RYR1: variants seen among roughly 807,000 people sequenced by gnomAD.
RYR1 encodes the protein ryanodine receptor 1, also known as central core disease of muscle.
In RYR1, 342 loss-of-function variants were observed where a neutral mutation model predicts 583.5. The ratio of observed to expected loss-of-function variants is 0.59; its 90% CI spans 0.54 to 0.64. RYR1 has a LOEUF of 0.64. Among genes scored for constraint, RYR1 ranks in the 30% least tolerant of loss-of-function variants. The pLI is 0.00. For synonymous variants in RYR1, 2,791 were observed against 2,822.5 expected, an observed-to-expected ratio of 0.99 and a Z score of 0.35; for missense variants, 6,032 against 6,917.2, an observed-to-expected ratio of 0.87 and a Z score of 4.54.
At chr19:38,486,245 A>G (rs1221600649) in intron 34 of RYR1, 43 bp downstream of exon 34, 4 of 1,612,008 alleles carry the variant, frequency 2.5e-6, no homozygotes, top group Non-Finnish European at 3.4e-6. Context: ...TTCTTCTCCC[A>G]CATTCCCAAA....
intron 25 of RYR1, among the ~76,000 whole-genome samples, 187 bp from the exon 26 acceptor site, chr19:38,468,779 C>G (rs1313067515): frequency 6.6e-6 from 1 of 152,138 alleles, no homozygotes; most frequent in Non-Finnish European, 1.5e-5. Flanking sequence ...GAGAAAAATT[C>G]CTGTGATCAT....
At chr19:38,461,079 G>A (rs142120606) in intron 20 of RYR1, among the ~76,000 whole-genome samples, 1 of 152,170 alleles carries the variant, frequency 6.6e-6, no homozygotes, top group East Asian at 1.9e-4. Context: ...GCTTGAACCT[G>A]GGAGGCAGAG....
chr19:38,490,588 A>G, intron 36 of RYR1, 33 bp from the exon 37 acceptor site: 1 of 1,383,402 alleles, frequency 7.2e-7, no homozygotes, highest in Non-Finnish European at 1.0e-6. Context: ...TTGGGATCTC[A>G]GACCCTCATT....
chr19:38,442,246 T>G, intron 2 of RYR1, 103 bp from the exon 3 acceptor site: 1 of 829,382 alleles, frequency 1.2e-6, no homozygotes, highest in East Asian at 2.5e-5. Flanking sequence ...GTCTGGCGTC[T>G]CAAGAGTGTG....
rs758528866 is a variant in RYR1, at chr19:38,489,334, A to C, written c.5705A>C (p.Glu1902Ala). The change falls in exon 35 of 106, where the codon GAA (glutamate) becomes GCA (alanine). Residue 1902 changes from glutamate (E) to alanine (A), a missense_variant. Physicochemically the swap from Glu to Ala is moderately radical, Grantham distance 107. Around this residue, in one of 11 missense-constraint regions of RYR1, gnomAD observed 2,627 missense variants for 2,961.3 expected, o/e 0.89. Coordinates refer to ENST00000359596, the MANE Select transcript of RYR1 (RefSeq NM_000540.3). ...GAGGATGAGGAGGAAACAGCACAGGAAAAGGAAGATGAGGAAAAAGAGGAA... is the reference window on the plus strand; with the variant it reads ...GAGGATGAGGAGGAAACAGCACAGGCAAAGGAAGATGAGGAAAAAGAGGAA... ...KEEDEEETAQ[E>A]KEDEEKEEEE... is the part of the protein sequence containing the mutation. 1 of 1,608,652 alleles carries C rather than the reference A, an allele frequency of 6.2e-7. No homozygotes were observed. Among genetic ancestry groups the C allele is most frequent in the South Asian group, 1.1e-5 (1 of 90,964 alleles).
In RYR1 at chr19:38,565,858, GAGGAGAGAAC is replaced by G; in HGVS notation, c.13437+88_13437+97del. The stretch of plus-strand genomic sequence containing the variant: ...GCCCGGCTGGGTGGAGACACACACA[GAGGAGAGAAC>G]TGGCTAGGGGGATGGGCACACGCAC... On this transcript the variant is annotated intron_variant, in intron 91 of 105. Coordinates refer to ENST00000359596, the MANE Select transcript of RYR1 (RefSeq NM_000540.3). The surrounding 1 kb of genome is among the most constrained non-coding windows in gnomAD (Gnocchi z 4.7). The G allele has an allele frequency of 7.6e-7, 1 of 1,324,038 alleles. No individual in the cohort carries two copies. The highest frequency in any genetic ancestry group is 1.6e-5 in the African/African-American group (1 of 63,810). The allele number at this position is 1,324,038 out of a possible 1,614,324, so 82.0% of individuals were successfully genotyped here. A position where few individuals can be genotyped will look rare whatever the true frequency, so the allele number is the denominator to read the frequency against.
In RYR1 at chr19:38,457,716, T is replaced by C. The variant is rs2071085; in HGVS notation, c.1925+86T>C. 0.64 allele frequency: 895,086 copies of C among 1,395,246 alleles called. 290,728 individuals carry two copies. The highest frequency in any genetic ancestry group is 0.69 in the Admixed American group (40,429 of 58,256). The allele number at this position is 1,395,246 out of a possible 1,614,324, so 86.4% of individuals were successfully genotyped here. On this transcript the variant is annotated intron_variant, in intron 17 of 105. Coordinates refer to ENST00000359596, the MANE Select transcript of RYR1 (RefSeq NM_000540.3). Reference sequence around the variant, plus strand: ...AGACTCCACACCCAGATGGATGTCCTTTCCTTAATCTCCCACCCCAGGGTT... The same window carrying C: ...AGACTCCACACCCAGATGGATGTCCCTTCCTTAATCTCCCACCCCAGGGTT...
chr19:38,502,279 T>A (rs544606522), intron 47 of RYR1, among the ~76,000 whole-genome samples: 1 of 151,562 alleles, frequency 6.6e-6, no homozygotes, highest in Admixed American at 6.6e-5. Flanking sequence ...CATCGACCAG[T>A]TGTGTGTGTT....
intron 23 of RYR1, 100 bp from the exon 24 acceptor site, chr19:38,465,991 C>T (rs779975894): frequency 2.4e-5 from 28 of 1,176,502 alleles, no homozygotes; most frequent in Middle Eastern, 2.1e-4. Context: ...TCAGAAACGC[C>T]GAAGCTGGGA....
chr19:38,494,195 C>T (rs1424167619), intron 38 of RYR1, among the ~76,000 whole-genome samples, 157 bp from the exon 39 acceptor site: 1 of 152,168 alleles, frequency 6.6e-6, no homozygotes, highest in Admixed American at 6.5e-5. Flanking sequence ...AAACAATCTG[C>T]TAGAATCTGC....
At chr19:38,583,940 C>CCT in intron 101 of RYR1, among the ~76,000 whole-genome samples, 1 of 152,178 alleles carries the variant, frequency 6.6e-6, no homozygotes, top group Non-Finnish European at 1.5e-5. Flanking sequence ...TATTTTCCAG[C>CCT]CTCACCCAAC....
At chr19:38,458,022 C>A in intron 17 of RYR1, 29 bp from the exon 18 acceptor site, 1 of 1,611,400 alleles carries the variant, frequency 6.2e-7, no homozygotes, top group South Asian at 1.1e-5. Context: ...TCTCCGTCAT[C>A]CCCCTCTCCT....
At chr19:38,464,749 TG>T in intron 23 of RYR1, 27 bp downstream of exon 23, 1 of 1,553,304 alleles carries the variant, frequency 6.4e-7, no homozygotes, top group Non-Finnish European at 8.7e-7. Context: ...AGGTCCCGTC[TG>T]GGGATGGACT....
rs193922803 is a variant in RYR1 at position 38,499,670 on chromosome 19, C to T, written c.7063C>T (p.Arg2355Trp). 1.8e-5 allele frequency: 28 copies of T among 1,599,222 alleles called. No homozygotes were observed. The highest frequency in any genetic ancestry group is 3.3e-5 in the South Asian group (3 of 90,968). The change falls in exon 44 of 106, where the codon CGG becomes TGG. Residue 2355 changes from arginine to tryptophan, a missense_variant. Coordinates refer to ENST00000359596, the MANE Select transcript of RYR1 (RefSeq NM_000540.3). This position sits in a 1 kb window ranked among gnomAD's most constrained non-coding sequence, Gnocchi z 7.3. ...SVEENANVVV[R>W]LLIRKPECFG... The stretch of plus-strand genomic sequence containing the variant: ...GGAGGAGAACGCCAATGTGGTGGTG[C>T]GGCTGCTCATCCGGAAGCCTGAGTG...
chr19:38,567,866 AGCTGGAG>A lies in RYR1; in HGVS notation c.13611_13617del (p.Gly4538AsnfsTer11). 1 of 1,614,028 alleles carries A rather than the reference AGCTGGAG, an allele frequency of 6.2e-7. No homozygotes were observed. Among genetic ancestry groups the A allele is most frequent in the Non-Finnish European group, 8.5e-7 (1 of 1,180,010 alleles). ...CCTCACCCCCTCCAAAGAAGGAGGA[AGCTGGAG>A]GCGAATTCTGGGGAGAACTGGAGGT... On this transcript the variant is annotated frameshift_variant, in exon 93 of 106. Coordinates refer to ENST00000359596, the MANE Select transcript of RYR1 (RefSeq NM_000540.3). LOFTEE classifies it high-confidence loss of function.
rs1970754170 is a variant in RYR1, at chr19:38,512,109, C to A, written c.9210C>A (p.Ile3070=). The A allele has an allele frequency of 6.2e-7, 1 of 1,614,204 alleles. No homozygotes were observed. Among genetic ancestry groups the A allele is most frequent in the Non-Finnish European group, 8.5e-7 (1 of 1,180,026 alleles). ...CAGCTGTGGTCAACTGTCTTCACAT[C>A]CTGGCCCGCTCCCTGGATGCCAGGT... is the stretch of plus-strand genomic sequence containing the variant. ...DAPAVVNCLH[I]LARSLDARTV... is the part of the protein sequence containing the mutation. Residue 3070 remains isoleucine, a synonymous_variant, in exon 62 of 106, where the codon ATC becomes ATA. Coordinates refer to ENST00000359596, the MANE Select transcript of RYR1 (RefSeq NM_000540.3). The surrounding 1 kb of genome is among the most constrained non-coding windows in gnomAD (Gnocchi z 5.1).
rs1181150621 is a variant in RYR1 at position 38,496,372 on chromosome 19, C to T, written c.6664-37C>T. ...TGCTGGGGAGCTCAGGGGAGGCAGC[C>T]ACAGAGGGCAGGCCCTGACCACCCT... On this transcript the variant is annotated intron_variant, in intron 40 of 105. Coordinates refer to ENST00000359596, the MANE Select transcript of RYR1 (RefSeq NM_000540.3). This position sits in a 1 kb window ranked among gnomAD's most constrained non-coding sequence, Gnocchi z 4.8. 3 of 1,613,784 alleles carry T rather than the reference C, an allele frequency of 1.9e-6. No homozygotes were observed. The highest frequency in any genetic ancestry group is 2.2e-5 in the South Asian group (2 of 91,082).
chr19:38,434,503 GTC>G (rs1972338831), intron 1 of RYR1, among the ~76,000 whole-genome samples: 1 of 152,122 alleles, frequency 6.6e-6, no homozygotes, highest in African/African-American at 2.4e-5. Context: ...CCATGTCTCT[GTC>G]TCTTCCTCCA....
chr19:38,483,262 T>C lies in RYR1; in HGVS notation c.4708-28T>C. The C allele has an allele frequency of 6.4e-7, 1 of 1,565,586 alleles. No homozygotes were observed. Among genetic ancestry groups the C allele is most frequent in the Non-Finnish European group, 8.7e-7 (1 of 1,155,082 alleles). ...GTGGGACAGAGGGGGCTGGCCATCT[T>C]GACCCATGTGTGTCTCTCTGCCCTC... On this transcript the variant is annotated intron_variant, in intron 32 of 105. Coordinates refer to ENST00000359596, the MANE Select transcript of RYR1 (RefSeq NM_000540.3). The surrounding 1 kb of genome is among the most constrained non-coding windows in gnomAD (Gnocchi z 6.3).
Sources: allele counts gnomAD v4.1 joint callset (sites outside exome capture counted in the v4.1 genomes callset), GRCh38; gene constraint gnomAD v4.1.1; regional missense constraint gnomAD v4.1.1; non-coding constraint Gnocchi (gnomAD v3.1); transcripts MANE v1.5; gene names NCBI Gene and HGNC (gene_info 2026-07-23, HGNC 2026-07-21).